RABEP1: variants seen among roughly 807,000 people sequenced by gnomAD.
RABEP1 encodes rabaptin, RAB GTPase binding effector protein 1.
A neutral mutation model predicts 123.4 loss-of-function variants in RABEP1; 51 were observed. That is an observed-to-expected ratio of 0.41 (90% CI 0.33 to 0.52). The LOEUF (loss-of-function observed/expected upper bound fraction) is 0.52. Ranked by LOEUF, RABEP1 falls within the 20% of genes least tolerant of loss-of-function variation. The pLI is 0.16. For synonymous variants in RABEP1, 347 were observed against 355.2 expected, an observed-to-expected ratio of 0.98 and a Z score of 0.26; for missense variants, 888 against 996.3, an observed-to-expected ratio of 0.89 and a Z score of 1.46.
At chr17:5,341,415 TAGTC>T (rs1204498690) in intron 5 of RABEP1, among the ~76,000 whole-genome samples, 2 of 152,094 alleles carry the variant, frequency 1.3e-5, no homozygotes, top group African/African-American at 4.8e-5. Flanking sequence ...ACAGGAAAGG[TAGTC>T]AGTAATTATT....
In RABEP1 at chr17:5,378,158, C is replaced by G. The variant is rs1567555101; in HGVS notation, c.2216-19C>G. 5.8e-6 allele frequency: 9 copies of G among 1,543,196 alleles called. No individual in the cohort carries two copies. Among genetic ancestry groups the G allele is most frequent in the Non-Finnish European group, 8.0e-6 (9 of 1,119,616 alleles). On this transcript the variant is annotated intron_variant, in intron 14 of 17. Transcript: ENST00000537505. ...CAATAATAGATGAATGCTAATACAT[C>G]TCATTTTTTTCCTTCTAGCTTCTAT...
chr17:5,291,646 G>T (rs1036884989), intron 1 of RABEP1, among the ~76,000 whole-genome samples: 13 of 152,204 alleles, frequency 8.5e-5, no homozygotes, highest in African/African-American at 3.1e-4. Context: ...GGTGGCTCAC[G>T]CCTGTAATCT....
In RABEP1 at chr17:5,328,645, TAAAAAAA is replaced by T. The variant is rs60062792; in HGVS notation, c.164-3284_164-3278del. On this transcript the variant is annotated intron_variant, in intron 2 of 17. Coordinates refer to ENST00000537505, the MANE Select transcript of RABEP1 (RefSeq NM_004703.6). ...TGGGCGATAGAGTGAGACGCTGTGT[TAAAAAAA>T]AAAAAAAAAAAAAAAAAAAGCCGGG... Among the ~76,000 whole-genome samples, 17 of 54,122 alleles carry T rather than the reference TAAAAAAA, an allele frequency of 3.1e-4. 1 individual carries two copies. Among genetic ancestry groups the T allele is most frequent in the South Asian group, 1.0e-3 (1 of 994 alleles). 35.5% of individuals were successfully genotyped at this position (54,122 alleles called of 152,430 possible).
intron 2 of RABEP1, among the ~76,000 whole-genome samples, chr17:5,309,794 C>G (rs1382540046): frequency 6.6e-6 from 1 of 152,154 alleles, no homozygotes; most frequent in African/African-American, 2.4e-5. Context: ...GTTTCCACAG[C>G]TCTCTAGACC....
At chr17:5,332,801 T>TAA (rs1390468608) in intron 3 of RABEP1, among the ~76,000 whole-genome samples, 1 of 151,892 alleles carries the variant, frequency 6.6e-6, no homozygotes, top group Admixed American at 6.6e-5. Flanking sequence ...AGAGACGGGA[T>TAA]TTCGCCATGT....
In RABEP1 at chr17:5,383,264, A is replaced by G; in HGVS notation, c.*41A>G. On this transcript the variant is annotated 3_prime_UTR_variant, in exon 18 of 18. Transcript: ENST00000537505. ...ATTCTAGCCTGCACTTTGGGTTTTT[A>G]ACTCATCTTTAGAGCAACAGTAATT... 1 of 1,493,590 alleles carries G rather than the reference A, an allele frequency of 6.7e-7. No homozygotes were observed. Among genetic ancestry groups the G allele is most frequent in the Non-Finnish European group, 9.3e-7 (1 of 1,070,796 alleles). The allele number at this position is 1,493,590 out of a possible 1,614,324, so 92.5% of individuals were successfully genotyped here. A position where few individuals can be genotyped will look rare whatever the true frequency, so the allele number is the denominator to read the frequency against.
Position 5,353,143 on chromosome 17 carries a change from C to T in RABEP1, c.964-1216C>T, listed in dbSNP as rs549793899. Among the ~76,000 whole-genome samples, 6 of 152,288 alleles carry T rather than the reference C, an allele frequency of 3.9e-5. No homozygotes were observed. In the South Asian group the frequency reaches 1.2e-3, roughly 32 times the overall value. ...ATGTCCTTTACTTCTCATGTGCCTG[C>T]CCATTTTTCATCCATATAACATTAC... On this transcript the variant is annotated intron_variant, in intron 7 of 17. Coordinates refer to ENST00000537505, the MANE Select transcript of RABEP1 (RefSeq NM_004703.6).
chr17:5,375,862 TTTTA>T (rs148587942), intron 13 of RABEP1, among the ~76,000 whole-genome samples: 48 of 149,954 alleles, frequency 3.2e-4, no homozygotes, highest in Middle Eastern at 3.4e-3. Context: ...TTTTATTTCA[TTTTA>T]TTTATTTATT....
intron 1 of RABEP1, among the ~76,000 whole-genome samples, chr17:5,304,402 A>G (rs1328903835): frequency 6.6e-6 from 1 of 151,662 alleles, no homozygotes; most frequent in Non-Finnish European, 1.5e-5. Context: ...TAATGTGGTA[A>G]AGCCCTGTCT....
At position 5,373,342 on chromosome 17, in the gene RABEP1, T is replaced by G; in HGVS notation, c.1913T>G (p.Val638Gly). The change falls in exon 13 of 18, where the codon GTT becomes GGT. Residue 638 changes from valine (V) to glycine (G), a missense_variant. Transcript: ENST00000537505. ...MAVLMQSREQVSEELVRLQKD... is the reference protein window; with the variant it reads ...MAVLMQSREQGSEELVRLQKD... ...GTGCTGATGCAGTCACGGGAACAGG[T>G]TTCAGAAGAGCTGGTGAGGTTACAG... 1 of 1,613,372 alleles carries G rather than the reference T, an allele frequency of 6.2e-7. No homozygotes were observed. The highest frequency in any genetic ancestry group is 8.5e-7 in the Non-Finnish European group (1 of 1,179,872).
intron 1 of RABEP1, among the ~76,000 whole-genome samples, chr17:5,285,501 A>G (rs977328471): frequency 5.9e-5 from 9 of 152,166 alleles, no homozygotes; most frequent in African/African-American, 1.7e-4. Context: ...TTAGTTACAC[A>G]GACATGCTAC....
chr17:5,313,821 T>G (rs1230479708), intron 2 of RABEP1, among the ~76,000 whole-genome samples: 2 of 152,244 alleles, frequency 1.3e-5, no homozygotes, highest in Non-Finnish European at 2.9e-5. Context: ...GTGGCGTTCC[T>G]AAAGAAAATG....
chr17:5,373,224 C>G lies in RABEP1; in HGVS notation c.1885-90C>G. On this transcript the variant is annotated intron_variant, in intron 12 of 17. Transcript: ENST00000537505. ...CCATACCCCGTCCATCCTCAGCACT[C>G]CTTTAGTTTGGACTTGTTTTTCTCT... 13 of 1,282,870 alleles carry G rather than the reference C, an allele frequency of 1.0e-5. No homozygotes were observed. The South Asian group carries it at 2.0e-4, about 20-fold the overall frequency. The allele number at this position is 1,282,870 out of a possible 1,614,324, so 79.5% of individuals were successfully genotyped here.
At chr17:5,301,236 A>G (rs1597334117) in intron 1 of RABEP1, among the ~76,000 whole-genome samples, 2 of 152,284 alleles carry the variant, frequency 1.3e-5, no homozygotes, top group South Asian at 2.1e-4. Context: ...TCTTACAGCA[A>G]TGAGAATGGA....
At position 5,384,762 on chromosome 17, in the gene RABEP1, ATTATT is replaced by A. The variant is rs16419; in HGVS notation, c.*1543_*1547del. ...ACTAAAGGCTTGCCGCACATGAAAC[ATTATT>A]TTAATTGGTTTAAAGTCCCTTTATA... On this transcript the variant is annotated 3_prime_UTR_variant, in exon 18 of 18. Transcript: ENST00000537505. 91,076 of 211,046 alleles carry A rather than the reference ATTATT, an allele frequency of 0.43. 21,171 individuals carry two copies. The highest frequency in any genetic ancestry group is 0.83 in the East Asian group (11,324 of 13,608). 13.1% of individuals were successfully genotyped at this position (211,046 alleles called of 1,614,324 possible). A position where few individuals can be genotyped will look rare whatever the true frequency, so the allele number is the denominator to read the frequency against.
Position 5,346,805 on chromosome 17 carries a change from C to A in RABEP1, c.664C>A (p.His222Asn), listed in dbSNP as rs760033403. 5 of 1,572,212 alleles carry A rather than the reference C, an allele frequency of 3.2e-6. No individual in the cohort carries two copies. The East Asian group carries it at 1.1e-4, about 36-fold the overall frequency. Residue 222 changes from histidine (H) to asparagine (N), a missense_variant, in exon 6 of 18, where the codon CAT becomes AAT. Physicochemically the swap from His to Asn is moderately conservative, Grantham distance 68. Coordinates refer to ENST00000537505, the MANE Select transcript of RABEP1 (RefSeq NM_004703.6). ...LEASKVKELN[H>N]YLEAEKSCRT... is the part of the protein sequence containing the mutation. ...CTTCTTTCAGGTTAAAGAACTGAAT[C>A]ATTATCTGGAAGCTGAGAAATCTTG...
At chr17:5,301,453 GAT>G (rs1243990732) in intron 1 of RABEP1, among the ~76,000 whole-genome samples, 1 of 152,110 alleles carries the variant, frequency 6.6e-6, no homozygotes, top group Non-Finnish European at 1.5e-5. Flanking sequence ...GACAGCCATG[GAT>G]ATGGCAGTTG....
At chr17:5,365,618 T>C (rs1909943147) in intron 11 of RABEP1, among the ~76,000 whole-genome samples, 1 of 151,814 alleles carries the variant, frequency 6.6e-6, no homozygotes, top group African/African-American at 2.4e-5. Context: ...AGAACCAACA[T>C]CTGTGTAACC....
intron 8 of RABEP1, among the ~76,000 whole-genome samples, chr17:5,359,077 T>C (rs1426111326): frequency 7.9e-6 from 1 of 125,968 alleles, no homozygotes; most frequent in Non-Finnish European, 1.7e-5. Flanking sequence ...TCTGATGTTT[T>C]CTTTTTTTTT....
Sources: allele counts gnomAD v4.1 joint callset (sites outside exome capture counted in the v4.1 genomes callset), GRCh38; gene constraint gnomAD v4.1.1; transcripts MANE v1.5; gene names NCBI Gene and HGNC (gene_info 2026-07-23, HGNC 2026-07-21).